KDM5B: variants seen among roughly 807,000 people sequenced by gnomAD.
The protein encoded by KDM5B is lysine-specific demethylase 5B.
A neutral mutation model predicts 193.4 loss-of-function variants in KDM5B; 144 were observed. The observed-to-expected ratio is 0.74, with a 90% CI of 0.65 to 0.86. The LOEUF is 0.86. Among genes scored for constraint, KDM5B ranks in the 40% least tolerant of loss-of-function variants. The pLI is 0.00. For missense variants in KDM5B, 1,833 were observed against 1,886.9 expected (o/e 0.97, Z 0.53); for synonymous variants, 668 against 682.6 (o/e 0.98, Z 0.33).
chr1:202,758,376 T>A lies in KDM5B; in HGVS notation c.1197+15A>T, dbSNP rs777260498. 5.0e-5 allele frequency: 80 copies of A among 1,597,580 alleles called. No homozygotes were observed. In the South Asian group the frequency reaches 8.1e-4, roughly 16 times the overall value. ...CTATTAAAATCCTAAATCAAAGCAGTATATATGTACATACATGGACTGGCA... is the reference window on the plus strand; with the variant it reads ...CTATTAAAATCCTAAATCAAAGCAGAATATATGTACATACATGGACTGGCA... On this transcript the variant is annotated intron_variant, in intron 9 of 26. Coordinates refer to ENST00000367265, the MANE Select transcript of KDM5B (RefSeq NM_006618.5).
rs1396930390 is a variant in KDM5B, at chr1:202,731,939, C to T, written c.3910G>A (p.Val1304Ile). 6.3e-7 allele frequency: 1 copy of T among 1,599,000 alleles called. No individual in the cohort carries two copies. Among genetic ancestry groups the T allele is most frequent in the South Asian group, 1.1e-5 (1 of 90,254 alleles). ...GATGTTGTGCCAGGAGGTTGAGATA[C>T]CTAATGGAGGGAAAACGTTTTATAA... is the stretch of plus-strand genomic sequence containing the variant. ...SAGQVSDTNK[V>I]SQPPGTTSFS... The change falls in exon 24 of 27, where the codon GTA (valine) becomes ATA (isoleucine). Residue 1304 changes from valine (V) to isoleucine (I), a missense_variant and splice_region_variant. Coordinates refer to ENST00000367265, the MANE Select transcript of KDM5B (RefSeq NM_006618.5).
chr1:202,795,071 G>A (rs978763600), intron 1 of KDM5B, among the ~76,000 whole-genome samples: 11 of 151,650 alleles, frequency 7.3e-5, no homozygotes, highest in East Asian at 1.9e-4. Flanking sequence ...AAAATTAGCC[G>A]GGCGTGGTAG....
At chr1:202,758,304 G>A (rs1656100327) in intron 9 of KDM5B, 87 bp downstream of exon 9, 2 of 1,069,932 alleles carry the variant, frequency 1.9e-6, no homozygotes, top group Non-Finnish European at 1.3e-6. Context: ...CTACTAGAGT[G>A]AGGCCTCAAC....
At position 202,760,490 on chromosome 1, in the gene KDM5B, G is replaced by A. The variant is rs558302391; in HGVS notation, c.1002C>T (p.Tyr334=). The A allele has an allele frequency of 2.6e-5, 42 of 1,613,514 alleles. No individual in the cohort carries two copies. In the South Asian group the frequency reaches 4.5e-4, roughly 17 times the overall value. The stretch of plus-strand genomic sequence containing the variant: ...GAGGTGGGATCAAGCAAAAGGTATG[G>A]TAACTGTCATCACAGCCATCACACA... ...LLLCDGCDDS[Y]HTFCLIPPLH... is the part of the protein sequence containing the mutation. The change falls in exon 8 of 27, where the codon TAC becomes TAT. Residue 334 remains tyrosine (Y), a synonymous_variant. Transcript: ENST00000367265.
chr1:202,764,162 T>C lies in KDM5B; in HGVS notation c.712-17A>G. 8.3e-7 allele frequency: 1 copy of C among 1,209,596 alleles called. No individual in the cohort carries two copies. The highest frequency in any genetic ancestry group is 1.2e-6 in the Non-Finnish European group (1 of 848,304). 74.9% of individuals were successfully genotyped at this position (1,209,596 alleles called of 1,614,324 possible). On this transcript the variant is annotated splice_polypyrimidine_tract_variant and intron_variant, in intron 5 of 26. Transcript: ENST00000367265. The stretch of plus-strand genomic sequence containing the variant: ...ATTCATGGCCTTAAAAAAATTGTCA[T>C]ATACATGAATATTTCCTTTAAGAAG...
At chr1:202,732,183 A>G (rs1268090896) in intron 23 of KDM5B, 10 of 448,332 alleles carry the variant, frequency 2.2e-5, no homozygotes, top group Admixed American at 1.7e-4. Flanking sequence ...AGAGATGTAA[A>G]GAAGGCCACT....
intron 22 of KDM5B, 64 bp from the exon 23 acceptor site, chr1:202,733,950 A>G: frequency 6.5e-7 from 1 of 1,539,748 alleles, no homozygotes; most frequent in African/African-American, 1.4e-5. Flanking sequence ...TAAAACTCAG[A>G]GTCCTAGTGG....
intron 5 of KDM5B, chr1:202,766,498 T>A (rs1241121995): frequency 2.3e-6 from 1 of 433,080 alleles, no homozygotes; most frequent in Non-Finnish European, 4.6e-6. Context: ...ACAGCGAGAC[T>A]CTGTCTCTAA....
At chr1:202,801,640 TC>T (rs373900409) in intron 1 of KDM5B, among the ~76,000 whole-genome samples, 3 of 145,992 alleles carry the variant, frequency 2.1e-5, no homozygotes, top group South Asian at 4.4e-4. Context: ...TTTACAATTT[TC>T]ATTTAATTTT....
chr1:202,785,001 G>A (rs1460620118), intron 1 of KDM5B, among the ~76,000 whole-genome samples: 1 of 146,994 alleles, frequency 6.8e-6, no homozygotes. Flanking sequence ...CAAAGTGAGA[G>A]CCTGTCTCAA....
chr1:202,750,763 G>T lies in KDM5B; in HGVS notation c.1717C>A (p.Gln573Lys). The change falls in exon 13 of 27, where the codon CAG becomes AAG. Residue 573 changes from glutamine to lysine, a missense_variant. Gln to Lys is a moderately conservative substitution (Grantham distance 53). Around this residue, in one of 3 missense-constraint regions of KDM5B, gnomAD observed 1,379 missense variants for 1,349.6 expected, o/e 1.02. Transcript: ENST00000367265. ...THEVPVYRTNQCAGEFVITFP... is the reference protein window; with the variant it reads ...THEVPVYRTNKCAGEFVITFP... The stretch of plus-strand genomic sequence containing the variant: ...GTAATCACAAACTCCCCAGCACACT[G>T]ATTAGTTCGGTAAACCTAAAGAGAC... 1 of 1,613,576 alleles carries T rather than the reference G, an allele frequency of 6.2e-7. No homozygotes were observed. Among genetic ancestry groups the T allele is most frequent in the South Asian group, 1.1e-5 (1 of 91,020 alleles).
At position 202,742,685 on chromosome 1, in the gene KDM5B, T is replaced by C. The variant is rs556497069; in HGVS notation, c.2444A>G (p.Gln815Arg). The C allele has an allele frequency of 4.3e-5, 70 of 1,614,162 alleles. No individual in the cohort carries two copies. Among genetic ancestry groups the C allele is most frequent in the Non-Finnish European group, 5.4e-5 (64 of 1,180,038 alleles). ...TTGCCTTTTGCCATTAAGCAACTGC[T>C]GCGCAACAGAGGCACACTTCTCTGC... The part of the protein sequence containing the change: ...QDAEKCASVA[Q>R]QLLNGKRQTR... Residue 815 changes from glutamine (Q) to arginine (R), a missense_variant, in exon 17 of 27, where the codon CAG (glutamine) becomes CGG (arginine). Gln to Arg is a conservative substitution (Grantham distance 43). Around this residue, in one of 3 missense-constraint regions of KDM5B, gnomAD observed 1,379 missense variants for 1,349.6 expected, o/e 1.02. Coordinates refer to ENST00000367265, the MANE Select transcript of KDM5B (RefSeq NM_006618.5).
chr1:202,749,646 A>G (rs1422069412), intron 13 of KDM5B, among the ~76,000 whole-genome samples: 1 of 151,962 alleles, frequency 6.6e-6, no homozygotes, highest in Non-Finnish European at 1.5e-5. Flanking sequence ...CTGTAATCTT[A>G]CATATCTTAA....
chr1:202,755,510 G>T, intron 10 of KDM5B, 58 bp from the exon 11 acceptor site: 2 of 1,276,300 alleles, frequency 1.6e-6, no homozygotes, highest in East Asian at 2.4e-5. Flanking sequence ...TAACGTTTTA[G>T]AAGGCCAGCT....
chr1:202,760,786 A>G (rs1259107598), intron 7 of KDM5B, among the ~76,000 whole-genome samples: 2 of 152,220 alleles, frequency 1.3e-5, no homozygotes, highest in East Asian at 3.8e-4. Flanking sequence ...CTAAAGTGGA[A>G]TCTCCTAGCT....
rs372101151 is a variant in KDM5B at position 202,758,379 on chromosome 1, A to C, written c.1197+12T>G. The C allele has an allele frequency of 2.5e-6, 4 of 1,602,614 alleles. No individual in the cohort carries two copies. In the African/African-American group the frequency reaches 5.4e-5, roughly 21 times the overall value. ...TTAAAATCCTAAATCAAAGCAGTAT[A>C]TATGTACATACATGGACTGGCATGT... On this transcript the variant is annotated intron_variant, in intron 9 of 26. Transcript: ENST00000367265.
At chr1:202,773,025 C>T in intron 4 of KDM5B, 93 bp downstream of exon 4, 1 of 977,526 alleles carries the variant, frequency 1.0e-6, no homozygotes, top group Non-Finnish European at 1.5e-6. Context: ...ACAAGGTCTT[C>T]CAAACACAAT....
intron 13 of KDM5B, among the ~76,000 whole-genome samples, chr1:202,749,509 A>T (rs759837715): frequency 4.6e-5 from 7 of 152,138 alleles, no homozygotes; most frequent in Non-Finnish European, 7.4e-5. Flanking sequence ...ATGAGCCATG[A>T]TTGCACCACT....
At chr1:202,783,200 G>A (rs1042262328) in intron 1 of KDM5B, among the ~76,000 whole-genome samples, 7 of 152,138 alleles carry the variant, frequency 4.6e-5, no homozygotes, top group South Asian at 4.1e-4. Context: ...CCCAGGAGGC[G>A]GAGGTGGCAG....
Sources: gnomAD v4.1 joint callset for allele counts (sites outside exome capture counted in the v4.1 genomes callset) on GRCh38, gnomAD v4.1.1 for gene constraint, gnomAD v4.1.1 regional missense constraint, MANE v1.5 for transcripts, NCBI Gene and HGNC (gene_info 2026-07-23, HGNC 2026-07-21) for gene names.